The following SH3RF3 variants were observed in gnomAD, a reference collection of about 807,000 sequenced individuals.
SH3RF3 encodes the protein E3 ubiquitin-protein ligase SH3RF3.
SH3RF3 carries 29 observed loss-of-function variants against 66.3 expected under a neutral mutation model. That is an observed-to-expected ratio of 0.44 (90% CI 0.33 to 0.60). The LOEUF (loss-of-function observed/expected upper bound fraction) is 0.60. Ranked by LOEUF, SH3RF3 falls within the 20% of genes least tolerant of loss-of-function variation. The probability of loss-of-function intolerance (pLI) is 0.04; values close to 1 mark genes in which losing one functional copy is unlikely to be tolerated. For synonymous variants in SH3RF3, 583 were observed against 532.0 expected, an observed-to-expected ratio of 1.10 and a Z score of -1.32; for missense variants, 1,194 against 1,190.9, an observed-to-expected ratio of 1.00 and a Z score of -0.04.
intron 3 of SH3RF3, among the ~76,000 whole-genome samples, chr2:109,375,666 C>T (rs948599447): frequency 6.6e-6 from 1 of 152,236 alleles, no homozygotes; most frequent in Non-Finnish European, 1.5e-5. Context: ...AGGAGGATGG[C>T]AGGCGAGGGA....
chr2:109,361,355 C>T (rs1052883879), intron 2 of SH3RF3, among the ~76,000 whole-genome samples: 4 of 152,176 alleles, frequency 2.6e-5, no homozygotes, highest in African/African-American at 9.7e-5. Context: ...AATATTCTTT[C>T]TGCGAAGTAT....
chr2:109,344,069 C>G (rs1682624468), intron 1 of SH3RF3, among the ~76,000 whole-genome samples: 1 of 152,126 alleles, frequency 6.6e-6, no homozygotes, highest in Non-Finnish European at 1.5e-5. Flanking sequence ...GTAACTTTCC[C>G]CCCTGTATCC....
At chr2:109,376,100 G>C (rs912328301) in intron 3 of SH3RF3, among the ~76,000 whole-genome samples, 1 of 152,256 alleles carries the variant, frequency 6.6e-6, no homozygotes, top group East Asian at 1.9e-4. Flanking sequence ...TCCTGTGCTG[G>C]TGGTGGTGGT....
intron 1 of SH3RF3, among the ~76,000 whole-genome samples, chr2:109,141,795 G>A (rs910247968): frequency 1.3e-5 from 2 of 152,090 alleles, no homozygotes; most frequent in Non-Finnish European, 2.9e-5. Context: ...TGGAGAAGGA[G>A]GTCAGGGTGA....
chr2:109,342,260 A>G (rs552654410), intron 1 of SH3RF3, among the ~76,000 whole-genome samples: 27 of 152,326 alleles, frequency 1.8e-4, no homozygotes, highest in African/African-American at 5.8e-4. Flanking sequence ...GGCAACATGG[A>G]CTGTGAATCT....
At chr2:109,453,611 C>T (rs10200361) in intron 8 of SH3RF3, among the ~76,000 whole-genome samples, 2,417 of 152,292 alleles carry the variant, frequency 0.016, 56 homozygotes, top group African/African-American at 0.054. Context: ...GTGCCCCAAT[C>T]CCTGACTCAT....
chr2:109,283,783 C>T (rs1680951555), intron 1 of SH3RF3, among the ~76,000 whole-genome samples: 1 of 152,228 alleles, frequency 6.6e-6, no homozygotes, highest in Admixed American at 6.5e-5. Flanking sequence ...ACTTGGCTCT[C>T]TGCCTGGCTC....
At chr2:109,276,194 C>T (rs988640168) in intron 1 of SH3RF3, among the ~76,000 whole-genome samples, 1 of 152,202 alleles carries the variant, frequency 6.6e-6, no homozygotes, top group Non-Finnish European at 1.5e-5. Context: ...AAAACACCAG[C>T]GTTCTCCCAC....
chr2:109,404,079 G>A (rs369585336), intron 4 of SH3RF3, among the ~76,000 whole-genome samples: 2 of 152,200 alleles, frequency 1.3e-5, no homozygotes, highest in Non-Finnish European at 2.9e-5. Context: ...CCCATCTCTG[G>A]CTTGGTGCTG....
In SH3RF3 at chr2:109,411,168, A is replaced by G. The variant is rs191800555; in HGVS notation, c.1300-8371A>G. Among the ~76,000 whole-genome samples the G allele has an allele frequency of 2.5e-3, 382 of 152,238 alleles. 10 individuals are homozygous for G. Among genetic ancestry groups the G allele is most frequent in the Non-Finnish European group, 6.8e-4 (46 of 68,012 alleles). ...CTGGTGTCACAGTCAGCAACTCTCA[A>G]CCTCGTTATGAATACTTCAGGGGAG... is the stretch of plus-strand genomic sequence containing the variant. On this transcript the variant is annotated intron_variant, in intron 4 of 9. Transcript: ENST00000309415.
chr2:109,337,619 T>G (rs1000575644), intron 1 of SH3RF3, among the ~76,000 whole-genome samples: 1 of 152,082 alleles, frequency 6.6e-6, no homozygotes, highest in Non-Finnish European at 1.5e-5. Flanking sequence ...CCTCCATTGG[T>G]GGAATAACCT....
In SH3RF3 at chr2:109,207,623, T is replaced by C. The variant is rs141405943; in HGVS notation, c.573+77510T>C. Among the ~76,000 whole-genome samples, 78 of 152,298 alleles carry C rather than the reference T, an allele frequency of 5.1e-4. 2 individuals are homozygous for C. The highest frequency in any genetic ancestry group is 1.5e-3 in the African/African-American group (64 of 41,566). On this transcript the variant is annotated intron_variant, in intron 1 of 9. Transcript: ENST00000309415. ...ATAAAGATGCAATGGAGCCCTAAGA[T>C]TGTTTCCAGGGGTGCAGTTGCTGTA...
intron 1 of SH3RF3, among the ~76,000 whole-genome samples, chr2:109,302,363 A>C (rs1259380289): frequency 6.6e-6 from 1 of 152,232 alleles, no homozygotes; most frequent in Non-Finnish European, 1.5e-5. Context: ...AGCAAGGTGA[A>C]ATGCTTGCTG....
chr2:109,374,857 C>T (rs981791454), intron 3 of SH3RF3, among the ~76,000 whole-genome samples: 2 of 152,178 alleles, frequency 1.3e-5, no homozygotes, highest in Non-Finnish European at 2.9e-5. Context: ...TTCCCATCAG[C>T]GCAGCTCAGG....
intron 1 of SH3RF3, among the ~76,000 whole-genome samples, chr2:109,188,064 G>T (rs976126762): frequency 6.6e-6 from 1 of 152,222 alleles, no homozygotes; most frequent in African/African-American, 2.4e-5. Flanking sequence ...CCCCGTGAGC[G>T]TAGTGAGTGG....
At chr2:109,419,684 C>T (rs1676821375) in intron 5 of SH3RF3, 42 bp downstream of exon 5, 3 of 1,531,380 alleles carry the variant, frequency 2.0e-6, no homozygotes, top group Non-Finnish European at 2.6e-6. Context: ...GTGCCTGCAG[C>T]CCTCCCTCCT....
Position 109,501,553 on chromosome 2 carries a change from T to A in SH3RF3, c.2531T>A (p.Leu844Gln). The A allele has an allele frequency of 1.3e-6, 1 of 779,796 alleles. No homozygotes were observed. The highest frequency in any genetic ancestry group is 2.4e-6 in the Non-Finnish European group (1 of 417,620). The allele number at this position is 779,796 out of a possible 1,614,324, so 48.3% of individuals were successfully genotyped here. A position where few individuals can be genotyped will look rare whatever the true frequency, so the allele number is the denominator to read the frequency against. Reference sequence around the variant, plus strand: ...CCCCAGAGTGAGGCGGAGATCGAGCTGAAGGAAGGCGACATCGTCTTTGTG... The same window carrying A: ...CCCCAGAGTGAGGCGGAGATCGAGCAGAAGGAAGGCGACATCGTCTTTGTG... ...YPPQSEAEIELKEGDIVFVHK... is the reference protein window; with the variant it reads ...YPPQSEAEIEQKEGDIVFVHK... Residue 844 changes from leucine to glutamine, a missense_variant, in exon 10 of 10, where the codon CTG (leucine) becomes CAG (glutamine). Physicochemically the swap from Leu to Gln is moderately radical, Grantham distance 113. Coordinates refer to ENST00000309415, the MANE Select transcript of SH3RF3 (RefSeq NM_001099289.3).
At chr2:109,490,471 TA>T in intron 8 of SH3RF3, 133 bp from the exon 9 acceptor site, 2 of 776,222 alleles carry the variant, frequency 2.6e-6, no homozygotes, top group Non-Finnish European at 1.9e-6. Context: ...CTGTGAGTGG[TA>T]AAGTCTTTTG....
intron 1 of SH3RF3, among the ~76,000 whole-genome samples, chr2:109,149,023 T>G (rs1283078967): frequency 6.6e-6 from 1 of 152,202 alleles, no homozygotes; most frequent in Non-Finnish European, 1.5e-5. Context: ...CAGATCCCCC[T>G]TTCTCTTCTC....
Sources: allele counts gnomAD v4.1 joint callset (sites outside exome capture counted in the v4.1 genomes callset), GRCh38; gene constraint gnomAD v4.1.1; transcripts MANE v1.5; gene names NCBI Gene and HGNC (gene_info 2026-07-23, HGNC 2026-07-21).